KCNJ6: variants seen among roughly 807,000 people sequenced by gnomAD.
The protein encoded by KCNJ6 is potassium inwardly rectifying channel subfamily J member 6, also known as G protein-activated inward rectifier potassium channel 2.
A neutral mutation model predicts 34.2 loss-of-function variants in KCNJ6; 9 were observed. That is an observed-to-expected ratio of 0.26 (90% CI 0.16 to 0.46). The LOEUF is 0.46. Among genes scored for constraint, KCNJ6 ranks in the 20% least tolerant of loss-of-function variants. KCNJ6 has a pLI of 1.00. For missense variants in KCNJ6, 236 were observed against 531.3 expected (o/e 0.44, Z 5.46); for synonymous variants, 196 against 207.1 (o/e 0.95, Z 0.46).
At chr21:37,663,732 G>GA (rs1208333401) in intron 3 of KCNJ6, among the ~76,000 whole-genome samples, 10 of 152,064 alleles carry the variant, frequency 6.6e-5, no homozygotes, top group Non-Finnish European at 1.2e-4. Flanking sequence ...TTTCACAGTA[G>GA]AAAAAACCAA....
At chr21:37,875,428 A>C (rs927473415) in intron 1 of KCNJ6, among the ~76,000 whole-genome samples, 11 of 151,988 alleles carry the variant, frequency 7.2e-5, no homozygotes, top group Non-Finnish European at 1.6e-4. Context: ...TTTTGACCCC[A>C]AGCCAACCTG....
chr21:37,775,375 C>T (rs2055137280), intron 2 of KCNJ6, among the ~76,000 whole-genome samples: 1 of 152,062 alleles, frequency 6.6e-6, no homozygotes, highest in Admixed American at 6.6e-5. Flanking sequence ...TTTGTCAATT[C>T]TGGCTTTTGT....
intron 3 of KCNJ6, among the ~76,000 whole-genome samples, chr21:37,682,254 C>CTCTAGAGGAAGGTCCTTTCTTGCT (rs2054593841): frequency 2.0e-5 from 3 of 152,136 alleles, no homozygotes; most frequent in Non-Finnish European, 2.9e-5. Flanking sequence ...ACTCTGAAGC[C>CTCTAGAGGAAGGTCCTTTCTTGCT]TCTAGAGGAA....
At chr21:37,833,667 C>T (rs1211068409) in intron 2 of KCNJ6, among the ~76,000 whole-genome samples, 2 of 152,092 alleles carry the variant, frequency 1.3e-5, no homozygotes, top group Non-Finnish European at 2.9e-5. Context: ...GAGAAATAAA[C>T]GTGTGTGCAT....
At chr21:37,691,458 C>G (rs1007589540) in intron 3 of KCNJ6, among the ~76,000 whole-genome samples, 2 of 152,192 alleles carry the variant, frequency 1.3e-5, no homozygotes, top group Non-Finnish European at 1.5e-5. Flanking sequence ...CTTGGCACAG[C>G]CTGCTCAGAG....
At chr21:37,711,605 G>C (rs571401514) in intron 3 of KCNJ6, among the ~76,000 whole-genome samples, 1 of 152,220 alleles carries the variant, frequency 6.6e-6, no homozygotes, top group East Asian at 1.9e-4. Context: ...GGTTTTGAGA[G>C]ATTGAAGCAT....
At chr21:37,720,739 C>T (rs1045227669) in intron 2 of KCNJ6, among the ~76,000 whole-genome samples, 9 of 147,770 alleles carry the variant, frequency 6.1e-5, no homozygotes, top group South Asian at 2.2e-4. Flanking sequence ...CTCGCTCTGT[C>T]GCCCAGGCCG....
intron 3 of KCNJ6, among the ~76,000 whole-genome samples, chr21:37,688,719 C>A (rs2054626532): frequency 6.6e-6 from 1 of 152,198 alleles, no homozygotes; most frequent in Non-Finnish European, 1.5e-5. Context: ...CCAGATAAGG[C>A]ACCAGAGATT....
intron 2 of KCNJ6, among the ~76,000 whole-genome samples, chr21:37,822,599 AG>A (rs1167966536): frequency 2.0e-5 from 3 of 152,224 alleles, no homozygotes; most frequent in Admixed American, 6.5e-5. Context: ...TTTTGTTGAG[AG>A]GATGCTTTAT....
At chr21:37,834,541 T>C (rs1009188297) in intron 2 of KCNJ6, among the ~76,000 whole-genome samples, 1 of 152,256 alleles carries the variant, frequency 6.6e-6, no homozygotes, top group African/African-American at 2.4e-5. Context: ...TTGCGCCTGG[T>C]GCAGGCAGGA....
Position 37,607,482 on chromosome 21 carries a change from A to ATATATATATATTT in KCNJ6, c.*17676_*17677insAAATATATATATA. On this transcript the variant is annotated 3_prime_UTR_variant, in exon 4 of 4. Coordinates refer to ENST00000609713, the MANE Select transcript of KCNJ6 (RefSeq NM_002240.5). ...CTTAAAGATATATATATATATATAT[A>ATATATATATATTT]TTTTTTTTTTATTTTAAAAAAATTT... The ATATATATATATTT allele has an allele frequency of 2.1e-3, 285 of 136,738 alleles. 2 individuals are homozygous for ATATATATATATTT. Among genetic ancestry groups the ATATATATATATTT allele is most frequent in the Admixed American group, 4.6e-3 (62 of 13,440 alleles). The allele number at this position is 136,738 out of a possible 1,614,324, so 8.5% of individuals were successfully genotyped here. A position where few individuals can be genotyped will look rare whatever the true frequency, so the allele number is the denominator to read the frequency against.
At chr21:37,843,521 G>A (rs193192989) in intron 1 of KCNJ6, among the ~76,000 whole-genome samples, 26 of 152,282 alleles carry the variant, frequency 1.7e-4, no homozygotes, top group African/African-American at 4.8e-4. Flanking sequence ...GCAGTTACAC[G>A]ACATGTATAT....
intron 2 of KCNJ6, among the ~76,000 whole-genome samples, chr21:37,783,782 G>A (rs78778521): frequency 2.1e-3 from 327 of 152,294 alleles, no homozygotes; most frequent in African/African-American, 4.9e-3. Flanking sequence ...GGGAATTAAG[G>A]TTAAGTGAGG....
At chr21:37,707,016 G>A (rs1479387637) in intron 3 of KCNJ6, among the ~76,000 whole-genome samples, 4 of 152,250 alleles carry the variant, frequency 2.6e-5, no homozygotes, top group Non-Finnish European at 2.9e-5. Context: ...TTGGAATGAT[G>A]AGACGTTACT....
intron 2 of KCNJ6, among the ~76,000 whole-genome samples, chr21:37,743,260 T>C (rs569464342): frequency 3.3e-5 from 5 of 152,296 alleles, no homozygotes; most frequent in East Asian, 1.9e-4. Flanking sequence ...TCAGGAGACA[T>C]TGCCTGAATA....
intron 2 of KCNJ6, among the ~76,000 whole-genome samples, chr21:37,740,834 T>C (rs773181512): frequency 1.3e-5 from 2 of 152,374 alleles, no homozygotes; most frequent in East Asian, 1.9e-4. Context: ...CTTTGCCTAA[T>C]TGACTAGTAG....
At chr21:37,827,918 G>C (rs1476910048) in intron 2 of KCNJ6, among the ~76,000 whole-genome samples, 1 of 152,100 alleles carries the variant, frequency 6.6e-6, no homozygotes, top group Non-Finnish European at 1.5e-5. Context: ...GTGGGGAGCT[G>C]GTATGATCAG....
At chr21:37,801,036 T>C (rs1352135067) in intron 2 of KCNJ6, among the ~76,000 whole-genome samples, 1 of 152,182 alleles carries the variant, frequency 6.6e-6, no homozygotes, top group Non-Finnish European at 1.5e-5. Context: ...GGCCAGTTCA[T>C]AGGGAGTATC....
chr21:37,811,209 C>T (rs1197057713), intron 2 of KCNJ6, among the ~76,000 whole-genome samples: 2 of 152,152 alleles, frequency 1.3e-5, no homozygotes, highest in Non-Finnish European at 2.9e-5. Flanking sequence ...GGATAGGAAC[C>T]CCTGCTCTCA....
Sources: gnomAD v4.1 joint callset for allele counts (sites outside exome capture counted in the v4.1 genomes callset) on GRCh38, gnomAD v4.1.1 for gene constraint, MANE v1.5 for transcripts, NCBI Gene and HGNC (gene_info 2026-07-23, HGNC 2026-07-21) for gene names.